ZNF365: variants seen among roughly 807,000 people sequenced by gnomAD.
ZNF365 encodes the protein protein ZNF365.
A neutral mutation model predicts 35.0 loss-of-function variants in ZNF365; 22 were observed. The ratio of observed to expected loss-of-function variants is 0.63; its 90% CI spans 0.45 to 0.90. ZNF365 has a LOEUF of 0.90. ZNF365 is among the 40% of genes least tolerant of loss of function. The pLI, the probability that ZNF365 is intolerant of heterozygous loss-of-function variation, is 0.00. For synonymous variants in ZNF365, 188 were observed against 196.2 expected (o/e 0.96, Z 0.35); for missense variants, 448 against 500.3 (o/e 0.90, Z 1.00).
Position 62,401,170 on chromosome 10 carries a change from T to C in ZNF365, c.*1381T>C, listed in dbSNP as rs756090689. The C allele has an allele frequency of 3.5e-5, 34 of 960,544 alleles. No individual in the cohort carries two copies. Among genetic ancestry groups the C allele is most frequent in the Admixed American group, 6.2e-5 (1 of 16,238 alleles). The allele number at this position is 960,544 out of a possible 1,614,324, so 59.5% of individuals were successfully genotyped here. A position where few individuals can be genotyped will look rare whatever the true frequency, so the allele number is the denominator to read the frequency against. ...TATAACACATACAAAATATATATGT[T>C]AAGTATATTAATAATTTATTTTTAA... On this transcript the variant is annotated 3_prime_UTR_variant, in exon 5 of 5. Coordinates refer to ENST00000395254, the MANE Select transcript of ZNF365 (RefSeq NM_014951.3).
intron 4 of ZNF365, among the ~76,000 whole-genome samples, chr10:62,472,413 T>G (rs1841057298): frequency 6.6e-6 from 1 of 152,148 alleles, no homozygotes; most frequent in South Asian, 2.1e-4. Context: ...AGTAATCCAT[T>G]TAAAATGAGG....
At chr10:62,381,414 T>A (rs1222047983) in intron 2 of ZNF365, among the ~76,000 whole-genome samples, 1 of 152,294 alleles carries the variant, frequency 6.6e-6, no homozygotes, top group East Asian at 1.9e-4. Flanking sequence ...GAACCTGGAA[T>A]CCAATTTCCC....
chr10:62,451,856 A>C (rs1467286675), intron 3 of ZNF365, among the ~76,000 whole-genome samples: 2 of 152,148 alleles, frequency 1.3e-5, no homozygotes, highest in African/African-American at 4.8e-5. Context: ...CAACATTCCA[A>C]ACTGGAGGAT....
exon 5 of ZNF365, chr10:62,480,068 T>A: frequency 7.5e-7 from 1 of 1,334,000 alleles, no homozygotes; most frequent in Non-Finnish European, 9.9e-7. Flanking sequence ...CAGGAGTGGG[T>A]TCAGACTCCT....
chr10:62,474,461 CTT>C (rs940462317), intron 4 of ZNF365, among the ~76,000 whole-genome samples: 3 of 152,148 alleles, frequency 2.0e-5, no homozygotes, highest in Admixed American at 2.0e-4. Context: ...AAGTAATACT[CTT>C]TGCCATTTCG....
At chr10:62,374,638 C>G (rs1272129740) in intron 1 of ZNF365, among the ~76,000 whole-genome samples, 180 bp downstream of exon 1, 1 of 152,174 alleles carries the variant, frequency 6.6e-6, no homozygotes, top group Non-Finnish European at 1.5e-5. Context: ...CACCCGTGGG[C>G]TGGCACGCAG....
chr10:62,440,204 T>A (rs918785409), intron 3 of ZNF365, among the ~76,000 whole-genome samples: 3 of 130,138 alleles, frequency 2.3e-5, no homozygotes, highest in Admixed American at 7.8e-5. Flanking sequence ...TTATTTATTT[T>A]TGTATCTCCT....
chr10:62,426,605 T>C (rs931773866), intron 3 of ZNF365, among the ~76,000 whole-genome samples: 3 of 151,940 alleles, frequency 2.0e-5, no homozygotes, highest in Non-Finnish European at 4.4e-5. Flanking sequence ...CAGGTTCTGG[T>C]CAAGAGGTAG....
At chr10:62,450,417 T>C (rs1840661841) in intron 3 of ZNF365, among the ~76,000 whole-genome samples, 1 of 152,228 alleles carries the variant, frequency 6.6e-6, no homozygotes, top group Non-Finnish European at 1.5e-5. Context: ...CCGTGTGAAC[T>C]GAACTGTCAA....
At chr10:62,408,585 G>T (rs1031589545) in intron 3 of ZNF365, among the ~76,000 whole-genome samples, 5 of 152,130 alleles carry the variant, frequency 3.3e-5, no homozygotes, top group Non-Finnish European at 7.4e-5. Context: ...CTGGCACAGA[G>T]TCAGTACTTA....
intron 2 of ZNF365, among the ~76,000 whole-genome samples, chr10:62,379,953 G>C (rs1164287240): frequency 6.6e-6 from 1 of 152,076 alleles, no homozygotes. Flanking sequence ...AAACTCTGGG[G>C]ACCCTTTGAA....
At chr10:62,405,612 A>G (rs896565891), downstream of ZNF365, among the ~76,000 whole-genome samples, 1 of 152,230 alleles carries the variant, frequency 6.6e-6, no homozygotes, top group Non-Finnish European at 1.5e-5. Flanking sequence ...TATGCAAGCC[A>G]CTATGGGAGT....
chr10:62,379,764 C>T (rs147928821), intron 2 of ZNF365, among the ~76,000 whole-genome samples: 7 of 152,314 alleles, frequency 4.6e-5, no homozygotes, highest in Non-Finnish European at 8.8e-5. Context: ...CCATCCTAAC[C>T]ACCACCTCAG....
Position 62,466,974 on chromosome 10 carries a change from G to A in ZNF365, c.981+7177G>A, listed in dbSNP as rs995747632. On this transcript the variant is annotated intron_variant, in intron 4 of 4. Coordinates refer to the ZNF365 transcript ENST00000395255. ...ATGCCACCACACCTGGCTAATTTTT[G>A]TATTTTTTATAGAGATGGAGTTTTG... Among the ~76,000 whole-genome samples the A allele has an allele frequency of 3.3e-5, 5 of 151,886 alleles. No homozygotes were observed. In the South Asian group the frequency reaches 8.3e-4, roughly 25 times the overall value.
At chr10:62,423,749 C>T (rs530313716) in intron 3 of ZNF365, among the ~76,000 whole-genome samples, 1 of 152,280 alleles carries the variant, frequency 6.6e-6, no homozygotes, top group African/African-American at 2.4e-5. Flanking sequence ...GAGATCACAG[C>T]TCTCTGAATC....
chr10:62,398,651 G>A, intron 3 of ZNF365, 89 bp from the exon 4 acceptor site: 1 of 1,221,364 alleles, frequency 8.2e-7, no homozygotes, highest in Non-Finnish European at 1.2e-6. Flanking sequence ...TAATGGGAAT[G>A]CAGTTTTTAG....
intron 4 of ZNF365, among the ~76,000 whole-genome samples, chr10:62,477,439 T>C (rs530784524): frequency 9.9e-5 from 15 of 152,268 alleles, no homozygotes; most frequent in Admixed American, 7.8e-4. Context: ...TGTATCAAGA[T>C]TTTGTGTCAC....
chr10:62,386,112 A>G (rs1490682238), intron 2 of ZNF365, among the ~76,000 whole-genome samples: 2 of 152,148 alleles, frequency 1.3e-5, no homozygotes, highest in Non-Finnish European at 2.9e-5. Context: ...CTCCATCCCA[A>G]AGGACCTAAA....
At chr10:62,464,130 C>T (rs1840892819) in intron 4 of ZNF365, among the ~76,000 whole-genome samples, 1 of 152,150 alleles carries the variant, frequency 6.6e-6, no homozygotes, top group African/African-American at 2.4e-5. Context: ...GTAAGCCTCA[C>T]CTGTAGGGTG....
Sources: allele counts gnomAD v4.1 joint callset (sites outside exome capture counted in the v4.1 genomes callset), GRCh38; gene constraint gnomAD v4.1.1; transcripts MANE v1.5; gene names NCBI Gene and HGNC (gene_info 2026-07-23, HGNC 2026-07-21).